BMERB1: variants seen among roughly 807,000 people sequenced by gnomAD.
The protein encoded by BMERB1 is bMERB domain-containing protein 1.
Under a neutral mutation model 23.6 loss-of-function variants are expected in BMERB1, and 12 were observed. The ratio of observed to expected loss-of-function variants is 0.51; its 90% CI spans 0.33 to 0.82. The LOEUF (loss-of-function observed/expected upper bound fraction) is 0.82, where lower values mean the gene tolerates loss of function less well. BMERB1 is among the 40% of genes least tolerant of loss of function. The pLI, the probability that BMERB1 is intolerant of heterozygous loss-of-function variation, is 0.03. For missense variants in BMERB1, 247 were observed against 255.4 expected (o/e 0.97, Z 0.22); for synonymous variants, 122 against 96.6 (o/e 1.26, Z -1.54).
At chr16:15,534,994 A>G (rs1481704797) in intron 2 of BMERB1, among the ~76,000 whole-genome samples, 2 of 152,146 alleles carry the variant, frequency 1.3e-5, no homozygotes, top group African/African-American at 2.4e-5. Flanking sequence ...TTACTAAACT[A>G]TATTTTTCTC....
intron 2 of BMERB1, among the ~76,000 whole-genome samples, chr16:15,524,309 G>T (rs1167460596): frequency 1.3e-5 from 2 of 152,170 alleles, no homozygotes; most frequent in South Asian, 4.1e-4. Flanking sequence ...AGAAGTTGGG[G>T]TGTAGGGGAG....
At chr16:15,436,808 C>T (rs1460065536) in intron 1 of BMERB1, among the ~76,000 whole-genome samples, 3 of 151,890 alleles carry the variant, frequency 2.0e-5, no homozygotes, top group Non-Finnish European at 2.9e-5. Flanking sequence ...TGCTAGATGA[C>T]CATGTGCTGA....
At chr16:15,565,891 ATG>A (rs2030550076) in intron 2 of BMERB1, among the ~76,000 whole-genome samples, 1 of 152,204 alleles carries the variant, frequency 6.6e-6, no homozygotes, top group African/African-American at 2.4e-5. Context: ...CGCAGAGTGA[ATG>A]TGAACCTGTG....
intron 2 of BMERB1, among the ~76,000 whole-genome samples, chr16:15,521,296 G>T (rs549035482): frequency 6.6e-6 from 1 of 152,336 alleles, no homozygotes; most frequent in East Asian, 1.9e-4. Flanking sequence ...AAAATGATGA[G>T]CTCCAATGCA....
chr16:15,488,101 GTGT>G (rs1567465632), intron 1 of BMERB1, among the ~76,000 whole-genome samples: 2 of 152,108 alleles, frequency 1.3e-5, no homozygotes, highest in African/African-American at 4.8e-5. Context: ...ATTCAAGATG[GTGT>G]TGTTCTGGTT....
intron 1 of BMERB1, among the ~76,000 whole-genome samples, chr16:15,452,150 G>A (rs142096727): frequency 2.3e-4 from 35 of 151,404 alleles, no homozygotes; most frequent in African/African-American, 7.7e-4. Context: ...GTCATGGGGC[G>A]TGCACCTGTA....
chr16:15,528,029 A>G (rs776257866), intron 2 of BMERB1, among the ~76,000 whole-genome samples: 1 of 152,172 alleles, frequency 6.6e-6, no homozygotes, highest in Non-Finnish European at 1.5e-5. Context: ...TCCTGCAGCC[A>G]GAGGGATTTT....
chr16:15,529,791 A>G (rs776110546), intron 2 of BMERB1, among the ~76,000 whole-genome samples: 1 of 152,208 alleles, frequency 6.6e-6, no homozygotes, highest in East Asian at 1.9e-4. Flanking sequence ...TCTGATGGTT[A>G]GGGTGAACAG....
intron 3 of BMERB1, among the ~76,000 whole-genome samples, chr16:15,575,559 T>G (rs2030837137): frequency 6.6e-6 from 1 of 152,076 alleles, no homozygotes; most frequent in Admixed American, 6.5e-5. Context: ...CTTGGTGTTT[T>G]GAACAAAGAA....
intron 2 of BMERB1, among the ~76,000 whole-genome samples, chr16:15,562,050 A>G (rs1240518165): frequency 3.9e-5 from 6 of 152,046 alleles, no homozygotes; most frequent in Middle Eastern, 3.4e-3. Context: ...GCTCACGCCT[A>G]TCATCCCAGC....
At chr16:15,481,544 AG>A (rs2051320811) in intron 1 of BMERB1, among the ~76,000 whole-genome samples, 1 of 151,828 alleles carries the variant, frequency 6.6e-6, no homozygotes, top group Non-Finnish European at 1.5e-5. Flanking sequence ...AAACCCACCC[AG>A]GTGCATGCCC....
rs868865018 is a variant in BMERB1 at position 15,465,358 on chromosome 16, T to A, written c.106+30599T>A. On this transcript the variant is annotated intron_variant, in intron 1 of 5. Coordinates refer to ENST00000300006, the MANE Select transcript of BMERB1 (RefSeq NM_033201.3). ...TGGTCAATGCTAAGATATATATTTTTTTTTTTTTTTTTGAGACTGGGTCTC... is the reference window on the plus strand; with the variant it reads ...TGGTCAATGCTAAGATATATATTTTATTTTTTTTTTTTGAGACTGGGTCTC... Among the ~76,000 whole-genome samples the A allele has an allele frequency of 6.2e-3, 938 of 151,434 alleles. 9 individuals are homozygous for A. Among genetic ancestry groups the A allele is most frequent in the African/African-American group, 0.021 (876 of 41,272 alleles).
At chr16:15,473,773 C>T (rs1158897244) in intron 1 of BMERB1, among the ~76,000 whole-genome samples, 1 of 152,060 alleles carries the variant, frequency 6.6e-6, no homozygotes, top group East Asian at 1.9e-4. Context: ...CTTCTAGTTG[C>T]CATGGTTTCA....
intron 1 of BMERB1, among the ~76,000 whole-genome samples, chr16:15,489,493 C>T (rs1003046147): frequency 2.6e-5 from 4 of 152,142 alleles, no homozygotes; most frequent in African/African-American, 9.7e-5. Context: ...TTGGCAAGCC[C>T]AGTCCCACAT....
intron 1 of BMERB1, among the ~76,000 whole-genome samples, chr16:15,450,998 A>C (rs1458408259): frequency 6.6e-6 from 1 of 152,170 alleles, no homozygotes; most frequent in Non-Finnish European, 1.5e-5. Context: ...ACAGCAATGA[A>C]CTTTGGAAAA....
At chr16:15,564,156 A>C (rs1390858945) in intron 2 of BMERB1, among the ~76,000 whole-genome samples, 3 of 152,188 alleles carry the variant, frequency 2.0e-5, no homozygotes, top group Non-Finnish European at 4.4e-5. Context: ...GAGCCAAATA[A>C]ACCTCTTGTC....
chr16:15,577,692 C>G (rs1040604383), intron 3 of BMERB1, among the ~76,000 whole-genome samples: 4 of 152,196 alleles, frequency 2.6e-5, no homozygotes, highest in African/African-American at 9.7e-5. Context: ...TGTCTCTCCT[C>G]CCTTCATTTT....
intron 1 of BMERB1, among the ~76,000 whole-genome samples, chr16:15,477,370 G>A (rs2150933937): frequency 6.6e-6 from 1 of 152,278 alleles, no homozygotes; most frequent in East Asian, 1.9e-4. Flanking sequence ...TCCCGCCCTT[G>A]ACACGTGGGG....
chr16:15,533,595 A>G (rs771444193), intron 2 of BMERB1, among the ~76,000 whole-genome samples: 4 of 152,070 alleles, frequency 2.6e-5, no homozygotes, highest in Admixed American at 2.6e-4. Flanking sequence ...GATTGGTCCA[A>G]ATTTGCTCAG....
Sources: allele counts gnomAD v4.1 joint callset (sites outside exome capture counted in the v4.1 genomes callset), GRCh38; gene constraint gnomAD v4.1.1; transcripts MANE v1.5; gene names NCBI Gene and HGNC (gene_info 2026-07-23, HGNC 2026-07-21).